Variants in ARHGEF10 observed in about 807,000 individuals in gnomAD.
ARHGEF10 encodes the protein Rho guanine nucleotide exchange factor 10.
ARHGEF10 carries 140 observed loss-of-function variants against 147.4 expected under a neutral mutation model. The ratio of observed to expected loss-of-function variants is 0.95; its 90% CI spans 0.83 to 1.09. The LOEUF (loss-of-function observed/expected upper bound fraction) is 1.09. Among genes scored for constraint, ARHGEF10 ranks in the 50% least tolerant of loss-of-function variants. ARHGEF10 has a pLI of 0.00. For synonymous variants in ARHGEF10, 902 were observed against 695.8 expected (o/e 1.30, Z -4.67); for missense variants, 2,222 against 1,752.7 (o/e 1.27, Z -4.78).
chr8:1,824,692 G>C (rs1802631463), intron 1 of ARHGEF10, among the ~76,000 whole-genome samples: 1 of 67,768 alleles, frequency 1.5e-5, no homozygotes, highest in Non-Finnish European at 2.7e-5. Flanking sequence ...CACCCCAGCT[G>C]TCCCCCGCGC....
At chr8:1,864,846 C>G (rs567902534) in intron 5 of ARHGEF10, among the ~76,000 whole-genome samples, 2 of 152,218 alleles carry the variant, frequency 1.3e-5, no homozygotes, top group Non-Finnish European at 1.5e-5. Flanking sequence ...CCAGTTTAAA[C>G]AGAGTTGTGC....
At chr8:1,827,224 C>T (rs1347666613) in intron 1 of ARHGEF10, among the ~76,000 whole-genome samples, 1 of 152,258 alleles carries the variant, frequency 6.6e-6, no homozygotes, top group African/African-American at 2.4e-5. Context: ...TACTCTGCTT[C>T]AGCCTGTTCA....
In ARHGEF10 at chr8:1,923,977, C is replaced by T; in HGVS notation, c.2488+103C>T. 2.8e-6 allele frequency: 3 copies of T among 1,069,776 alleles called. No individual in the cohort carries two copies. In the Admixed American group the frequency reaches 5.8e-5, roughly 21 times the overall value. The allele number at this position is 1,069,776 out of a possible 1,614,324, so 66.3% of individuals were successfully genotyped here. A position where few individuals can be genotyped will look rare whatever the true frequency, so the allele number is the denominator to read the frequency against. On this transcript the variant is annotated intron_variant, in intron 21 of 28. Coordinates refer to ENST00000349830, the MANE Select transcript of ARHGEF10 (RefSeq NM_014629.4). ...TTGAGAAGGAAACTCAGCAGTAGATCCATGCATTGACCTGAAAGAGTGTTT... is the reference window on the plus strand; with the variant it reads ...TTGAGAAGGAAACTCAGCAGTAGATTCATGCATTGACCTGAAAGAGTGTTT...
rs1476541681 is a variant in ARHGEF10 at position 1,860,156 on chromosome 8, C to G, written c.453C>G (p.Ile151Met). The G allele has an allele frequency of 6.2e-7, 1 of 1,613,798 alleles. No individual in the cohort carries two copies. Among genetic ancestry groups the G allele is most frequent in the Admixed American group, 1.7e-5 (1 of 60,030 alleles). ...TGCCCGCCTACTCCAGCCCGGTCAT[C>G]ATCTGCGCCACGTCCCTGGACGAAG... ...LLLPAYSSPV[I>M]ICATSLDEEE... The change falls in exon 4 of 29, where the codon ATC (isoleucine) becomes ATG (methionine). Residue 151 changes from isoleucine to methionine, a missense_variant. Ile to Met is a conservative substitution (Grantham distance 10, BLOSUM62 1). Transcript: ENST00000349830.
rs77032114 is a variant in ARHGEF10, at chr8:1,873,786, C to T, written c.680-2785C>T. 3.5e-3 allele frequency among the ~76,000 whole-genome samples: 525 copies of T among 150,650 alleles called. 65 individuals carry two copies. Among genetic ancestry groups the T allele is most frequent in the African/African-American group, 0.012 (491 of 40,330 alleles). ...CACATTTCTTCACTCGTTTAGAGTT[C>T]GGGGCTCTCAGAACACAGGGAGAAT... On this transcript the variant is annotated intron_variant, in intron 7 of 28. Transcript: ENST00000349830.
intron 26 of ARHGEF10, among the ~76,000 whole-genome samples, chr8:1,938,984 A>G (rs1813854264): frequency 6.8e-6 from 1 of 147,812 alleles, no homozygotes; most frequent in African/African-American, 2.5e-5. Flanking sequence ...CAGCCCCCAG[A>G]GACCCCCGAA....
chr8:1,914,520 G>C (rs754097848), intron 18 of ARHGEF10, among the ~76,000 whole-genome samples: 10 of 152,256 alleles, frequency 6.6e-5, no homozygotes, highest in African/African-American at 9.6e-5. Context: ...GGCGGCAAGG[G>C]TCACTGTTCT....
intron 27 of ARHGEF10, among the ~76,000 whole-genome samples, chr8:1,951,063 G>T (rs1331852362): frequency 6.6e-6 from 1 of 152,178 alleles, no homozygotes; most frequent in Non-Finnish European, 1.5e-5. Context: ...CACACGGAGG[G>T]CCGGGGAGGC....
At position 1,927,137 on chromosome 8, in the gene ARHGEF10, C is replaced by T. The variant is rs180729591; in HGVS notation, c.2697+674C>T. On this transcript the variant is annotated intron_variant, in intron 23 of 28. Transcript: ENST00000349830. ...TAGTTGAGTGTCAGAAATTGAACAA[C>T]CCAATTAGCTGGTATTTCATTTGTA... The T allele has an allele frequency of 3.8e-3, 592 of 156,678 alleles. 3 individuals are homozygous for T. The highest frequency in any genetic ancestry group is 0.014 in the African/African-American group (562 of 41,596). 9.7% of individuals were successfully genotyped at this position (156,678 alleles called of 1,614,324 possible).
chr8:1,958,344 CATA>C lies in ARHGEF10; in HGVS notation c.*1084_*1086del, dbSNP rs1282621430. On this transcript the variant is annotated 3_prime_UTR_variant, in exon 29 of 29. Coordinates refer to ENST00000349830, the MANE Select transcript of ARHGEF10 (RefSeq NM_014629.4). The stretch of plus-strand genomic sequence containing the variant: ...AGAGCCAGCCCCGCGTGAGAACGTG[CATA>C]ATGAGTGCACACCATCATGTCAAGG... 1.3e-5 allele frequency: 2 copies of C among 152,224 alleles called. No homozygotes were observed. Among genetic ancestry groups the C allele is most frequent in the Non-Finnish European group, 2.9e-5 (2 of 68,042 alleles). The allele number at this position is 152,224 out of a possible 1,614,324, so 9.4% of individuals were successfully genotyped here. A position where few individuals can be genotyped will look rare whatever the true frequency, so the allele number is the denominator to read the frequency against.
intron 1 of ARHGEF10, among the ~76,000 whole-genome samples, chr8:1,827,879 G>A (rs988928920): frequency 2.6e-5 from 4 of 152,174 alleles, no homozygotes; most frequent in African/African-American, 7.2e-5. Flanking sequence ...TGACTGGTGC[G>A]GGGGCCCTTG....
intron 18 of ARHGEF10, among the ~76,000 whole-genome samples, chr8:1,909,767 C>T (rs1260047989): frequency 6.6e-6 from 1 of 152,206 alleles, no homozygotes; most frequent in Non-Finnish European, 1.5e-5. Context: ...TTTTGCGTTT[C>T]CAGTTAACCA....
chr8:1,860,185 G>T lies in ARHGEF10; in HGVS notation c.481+1G>T. On this transcript the variant is annotated splice_donor_variant, in intron 4 of 28. Coordinates refer to ENST00000349830, the MANE Select transcript of ARHGEF10 (RefSeq NM_014629.4). LOFTEE classifies it high-confidence loss of function. ...TGCGCCACGTCCCTGGACGAAGAAG[G>T]TACTGCTACCCTCCTCTCCACGCCC... 1.2e-6 allele frequency: 2 copies of T among 1,611,546 alleles called. No homozygotes were observed. Among genetic ancestry groups the T allele is most frequent in the Non-Finnish European group, 1.7e-6 (2 of 1,179,882 alleles).
chr8:1,847,866 A>C (rs1014840395), intron 2 of ARHGEF10, among the ~76,000 whole-genome samples: 2 of 152,260 alleles, frequency 1.3e-5, no homozygotes, highest in Admixed American at 1.3e-4. Flanking sequence ...GCCCCAGGAA[A>C]AGTAACACTT....
chr8:1,826,099 CTT>C (rs1563140382), intron 1 of ARHGEF10: 2 of 1,594,168 alleles, frequency 1.3e-6, no homozygotes, highest in Non-Finnish European at 8.5e-7. Context: ...ATGCATAACT[CTT>C]TATAGACAGA....
intron 18 of ARHGEF10, among the ~76,000 whole-genome samples, chr8:1,920,362 G>A (rs1287196581): frequency 1.3e-5 from 2 of 152,174 alleles, no homozygotes; most frequent in South Asian, 2.1e-4. Flanking sequence ...TTGTTTGGAT[G>A]CCCAGGCTGG....
Position 1,852,262 on chromosome 8 carries a change from G to A in ARHGEF10, c.38-5698G>A, listed in dbSNP as rs956791924. Among the ~76,000 whole-genome samples the A allele has an allele frequency of 3.3e-3, 456 of 136,436 alleles. 1 individual carries two copies. Among genetic ancestry groups the A allele is most frequent in the African/African-American group, 0.012 (428 of 35,998 alleles). The allele number at this position is 136,436 out of a possible 152,430, so 89.5% of individuals were successfully genotyped here. A position where few individuals can be genotyped will look rare whatever the true frequency, so the allele number is the denominator to read the frequency against. On this transcript the variant is annotated intron_variant, in intron 2 of 28. Transcript: ENST00000349830. ...GAGCAGCACCGTTTCTGTCCTGAGGGCCCTCTAGAACCTCTCCATCATCCT... is the reference window on the plus strand; with the variant it reads ...GAGCAGCACCGTTTCTGTCCTGAGGACCCTCTAGAACCTCTCCATCATCCT...
chr8:1,917,758 TC>T (rs1371690609), intron 18 of ARHGEF10, among the ~76,000 whole-genome samples: 3 of 152,076 alleles, frequency 2.0e-5, no homozygotes, highest in Non-Finnish European at 4.4e-5. Context: ...TGCAGGTGTT[TC>T]TTTCTTTTTC....
chr8:1,892,375 T>A, intron 11 of ARHGEF10, among the ~76,000 whole-genome samples: 1 of 151,548 alleles, frequency 6.6e-6, no homozygotes, highest in Non-Finnish European at 1.5e-5. Context: ...AGTATTTTTT[T>A]AATACATCAG....
Sources: allele counts gnomAD v4.1 joint callset (sites outside exome capture counted in the v4.1 genomes callset), GRCh38; gene constraint gnomAD v4.1.1; transcripts MANE v1.5; gene names NCBI Gene and HGNC (gene_info 2026-07-23, HGNC 2026-07-21).